CELF1: variants seen among roughly 807,000 people sequenced by gnomAD.
The protein encoded by CELF1 is 50 kDa nuclear polyadenylated RNA-binding protein.
A neutral mutation model predicts 61.8 loss-of-function variants in CELF1; 10 were observed. That is an observed-to-expected ratio of 0.16 (90% CI 0.10 to 0.27). CELF1 has a LOEUF of 0.27. CELF1 is among the 10% of genes least tolerant of loss of function. The pLI, the probability that CELF1 is intolerant of heterozygous loss-of-function variation, is 1.00. For missense variants in CELF1, 380 were observed against 639.1 expected, an observed-to-expected ratio of 0.59 and a Z score of 4.37; for synonymous variants, 236 against 225.1, an observed-to-expected ratio of 1.05 and a Z score of -0.43.
chr11:47,526,077 C>A lies in CELF1; in HGVS notation c.-153-25145G>T. Among the ~76,000 whole-genome samples the A allele has an allele frequency of 1.3e-5, 2 of 152,064 alleles. 1 individual carries two copies. ...AGGAGTGGTAGCTCACGTCTGTAAT[C>A]CCAGCACTTTGGGAGGCCAAGGTGG... On this transcript the variant is annotated intron_variant, in intron 1 of 14. Transcript: ENST00000687097.
intron 9 of CELF1, among the ~76,000 whole-genome samples, chr11:47,480,349 A>G (rs1263619242): frequency 6.6e-6 from 1 of 152,078 alleles, no homozygotes; most frequent in African/African-American, 2.4e-5. Context: ...GGCTTCCCAA[A>G]ATGCTGGGAT....
At chr11:47,504,201 A>G (rs577946448) in intron 1 of CELF1, among the ~76,000 whole-genome samples, 97 of 152,100 alleles carry the variant, frequency 6.4e-4, no homozygotes, top group Non-Finnish European at 1.1e-3. Context: ...AAACAAAACA[A>G]CAAAATAAGT....
intron 2 of CELF1, among the ~76,000 whole-genome samples, chr11:47,500,586 G>C (rs2093772055): frequency 6.6e-6 from 1 of 152,158 alleles, no homozygotes; most frequent in Admixed American, 6.5e-5. Flanking sequence ...ACCAAGAAAT[G>C]AAGTCTCTTC....
At chr11:47,497,765 A>G (rs528092594) in intron 3 of CELF1, among the ~76,000 whole-genome samples, 2 of 152,324 alleles carry the variant, frequency 1.3e-5, no homozygotes, top group Admixed American at 6.5e-5. Flanking sequence ...GAATAAAAAC[A>G]TCTGAATTTT....
intron 1 of CELF1, among the ~76,000 whole-genome samples, chr11:47,531,295 C>T (rs1006998073): frequency 5.3e-5 from 8 of 151,880 alleles, no homozygotes; most frequent in African/African-American, 1.2e-4. Context: ...ACAGGCCAGG[C>T]GCGGTGGCTC....
At chr11:47,489,935 G>GTTTTTGTTTTTTTTTTTT (rs1555170253) in intron 3 of CELF1, among the ~76,000 whole-genome samples, 1 of 48,226 alleles carries the variant, frequency 2.1e-5, no homozygotes, top group Non-Finnish European at 3.9e-5. Context: ...ATACCATCTT[G>GTTTTTGTTTTTTTTTTTT]TTTTTTTTTT....
intron 1 of CELF1, among the ~76,000 whole-genome samples, chr11:47,501,877 A>G (rs576498002): frequency 6.6e-6 from 1 of 152,286 alleles, no homozygotes; most frequent in South Asian, 2.1e-4. Flanking sequence ...GAACTTACCT[A>G]AATTTCAAGG....
chr11:47,529,658 CG>C (rs1298577328), intron 1 of CELF1, among the ~76,000 whole-genome samples: 1 of 150,960 alleles, frequency 6.6e-6, no homozygotes, highest in Non-Finnish European at 1.5e-5. Context: ...GACTCCGACT[CG>C]GGAAAAAAAA....
intron 2 of CELF1, among the ~76,000 whole-genome samples, chr11:47,558,684 AT>A (rs1398899110): frequency 9.7e-6 from 1 of 103,246 alleles, no homozygotes; most frequent in Non-Finnish European, 1.8e-5. Flanking sequence ...TATGTAATAT[AT>A]TATATATAAT....
chr11:47,473,776 C>T (rs1435011971), intron 13 of CELF1, among the ~76,000 whole-genome samples: 3 of 152,172 alleles, frequency 2.0e-5, no homozygotes, highest in Non-Finnish European at 4.4e-5. Context: ...ATGCCAAAAT[C>T]AGTGAGTTTC....
chr11:47,550,239 C>CA (rs200633635), intron 1 of CELF1, among the ~76,000 whole-genome samples: 4,501 of 150,082 alleles, frequency 0.03, 128 homozygotes, highest in African/African-American at 0.071. Flanking sequence ...AACAAACAAA[C>CA]AAAAAAAAAC....
intron 3 of CELF1, among the ~76,000 whole-genome samples, chr11:47,494,877 C>T (rs1312870782): frequency 1.3e-5 from 2 of 152,214 alleles, no homozygotes; most frequent in Non-Finnish European, 2.9e-5. Context: ...CCACATGTGG[C>T]TAGTGGCTAC....
At chr11:47,484,646 G>T in intron 6 of CELF1, 123 bp from the exon 7 acceptor site, 1 of 743,030 alleles carries the variant, frequency 1.3e-6, no homozygotes, top group South Asian at 2.1e-5. Context: ...CAGATTCAAA[G>T]ACACACATTT....
At chr11:47,478,512 G>A (rs1423715229) in intron 10 of CELF1, among the ~76,000 whole-genome samples, 2 of 152,234 alleles carry the variant, frequency 1.3e-5, no homozygotes, top group Non-Finnish European at 2.9e-5. Flanking sequence ...GCCATCTTTG[G>A]CTTTTCTGCA....
At position 47,503,550 on chromosome 11, in the gene CELF1, T is replaced by C. The variant is rs926603179; in HGVS notation, c.-153-2618A>G. 5.3e-5 allele frequency among the ~76,000 whole-genome samples: 8 copies of C among 152,270 alleles called. No individual in the cohort carries two copies. In the East Asian group the frequency reaches 1.5e-3, roughly 29 times the overall value. ...ATCAATCTATATGAGGGAATTCAAA[T>C]TGCAAAAATCTAGGGAATGGTTATA... is the stretch of plus-strand genomic sequence containing the variant. On this transcript the variant is annotated intron_variant, in intron 1 of 14. Transcript: ENST00000687097.
chr11:47,472,851 T>A (rs1455959657), intron 14 of CELF1, among the ~76,000 whole-genome samples: 2 of 152,188 alleles, frequency 1.3e-5, no homozygotes, highest in Non-Finnish European at 2.9e-5. Flanking sequence ...TTAAAGGTTT[T>A]TTTGCAAACC....
chr11:47,559,658 A>C (rs2097219626), intron 2 of CELF1, among the ~76,000 whole-genome samples: 1 of 152,160 alleles, frequency 6.6e-6, no homozygotes, highest in African/African-American at 2.4e-5. Flanking sequence ...GAATAAAGTA[A>C]ATCTACCTCT....
intron 1 of CELF1, among the ~76,000 whole-genome samples, chr11:47,545,866 TCTGC>T (rs1186905307): frequency 0.032 from 1,698 of 53,340 alleles, 19 homozygotes; most frequent in Middle Eastern, 0.056. Context: ...TGTGTGTGTG[TCTGC>T]GTGTGTGTGT....
intron 1 of CELF1, among the ~76,000 whole-genome samples, chr11:47,537,929 T>C (rs1020124131): frequency 3.9e-5 from 6 of 152,068 alleles, no homozygotes; most frequent in African/African-American, 1.2e-4. Flanking sequence ...TTTTTTTTTT[T>C]TTAAAGAAAG....
Sources: gnomAD v4.1 joint callset for allele counts (sites outside exome capture counted in the v4.1 genomes callset) on GRCh38, gnomAD v4.1.1 for gene constraint, MANE v1.5 for transcripts, NCBI Gene and HGNC (gene_info 2026-07-23, HGNC 2026-07-21) for gene names.